MICAL2: variants seen among roughly 807,000 people sequenced by gnomAD.
The protein encoded by MICAL2 is [F-actin]-monooxygenase MICAL2.
A neutral mutation model predicts 127.3 loss-of-function variants in MICAL2; 77 were observed. The ratio of observed to expected loss-of-function variants is 0.60; its 90% CI spans 0.50 to 0.73. MICAL2 has a LOEUF of 0.73. Among genes scored for constraint, MICAL2 ranks in the 30% least tolerant of loss-of-function variants. The pLI is 0.00. For synonymous variants in MICAL2, 570 were observed against 551.1 expected, an observed-to-expected ratio of 1.03 and a Z score of -0.48; for missense variants, 1,351 against 1,434.4, an observed-to-expected ratio of 0.94 and a Z score of 0.94.
intron 2 of MICAL2, among the ~76,000 whole-genome samples, chr11:12,158,414 G>A (rs1269128298): frequency 6.6e-6 from 1 of 151,934 alleles, no homozygotes; most frequent in African/African-American, 2.4e-5. Flanking sequence ...ATTCCTTAGA[G>A]CCCCATGAAG....
intron 2 of MICAL2, among the ~76,000 whole-genome samples, chr11:12,140,180 G>A (rs1421343513): frequency 6.6e-6 from 1 of 152,236 alleles, no homozygotes; most frequent in Non-Finnish European, 1.5e-5. Flanking sequence ...CTCTAGGGCA[G>A]GGGAAGTGTA....
chr11:12,162,468 C>T, intron 3 of MICAL2, 49 bp downstream of exon 3: 1 of 1,599,906 alleles, frequency 6.3e-7, no homozygotes, highest in Non-Finnish European at 8.5e-7. Flanking sequence ...TGTGGGTTGA[C>T]ATTTGGGAGG....
Position 12,223,449 on chromosome 11 carries a change from C to T in MICAL2, c.1488C>T (p.Tyr496=), listed in dbSNP as rs1483403745. Residue 496 remains tyrosine, a synonymous_variant, in exon 12 of 28, where the codon TAC becomes TAT. Coordinates refer to ENST00000683283, the MANE Select transcript of MICAL2 (RefSeq NM_001282663.2). ...ATATCACTAAGGAGCTGGAGCACTA[C>T]CCTCTCGAGAGACTGGGCTCGGTGA... ...HLYITKELEH[Y]PLERLGSVRR... is the part of the protein sequence containing the mutation. 1.9e-6 allele frequency: 3 copies of T among 1,613,944 alleles called. No individual in the cohort carries two copies. The highest frequency in any genetic ancestry group is 2.5e-6 in the Non-Finnish European group (3 of 1,180,002).
At chr11:12,311,882 G>A (rs1424925596) in intron 29 of MICAL2, among the ~76,000 whole-genome samples, 1 of 152,026 alleles carries the variant, frequency 6.6e-6, no homozygotes, top group East Asian at 1.9e-4. Flanking sequence ...TGTTTTTGTG[G>A]AACGTTTTTT....
chr11:12,358,269 C>G (rs773263123), intron 34 of MICAL2: 93 of 1,609,228 alleles, frequency 5.8e-5, no homozygotes, highest in Admixed American at 1.0e-4. Context: ...TTCTCTGAGC[C>G]CAGTGGTTTT....
At chr11:12,224,220 C>T (rs1857145652) in intron 12 of MICAL2, among the ~76,000 whole-genome samples, 2 of 152,188 alleles carry the variant, frequency 1.3e-5, no homozygotes, top group African/African-American at 4.8e-5. Flanking sequence ...TGATAAGTTC[C>T]TAGATGCTCT....
chr11:12,231,050 G>C (rs961613854), intron 15 of MICAL2, among the ~76,000 whole-genome samples: 7 of 152,162 alleles, frequency 4.6e-5, no homozygotes, highest in Non-Finnish European at 8.8e-5. Context: ...ATGCATGTAG[G>C]TGACACCTGG....
intron 7 of MICAL2, among the ~76,000 whole-genome samples, chr11:12,215,669 C>G (rs912972247): frequency 2.0e-5 from 3 of 152,216 alleles, no homozygotes; most frequent in African/African-American, 7.2e-5. Context: ...TGTAAAATGT[C>G]TTGTGATTGG....
intron 18 of MICAL2, among the ~76,000 whole-genome samples, chr11:12,241,837 A>G (rs1013599003): frequency 6.6e-6 from 1 of 152,174 alleles, no homozygotes; most frequent in African/African-American, 2.4e-5. Flanking sequence ...TCACCTGGGG[A>G]ACTTTTAAAA....
At chr11:12,191,769 A>G (rs902003704) in intron 3 of MICAL2, among the ~76,000 whole-genome samples, 30 of 124,516 alleles carry the variant, frequency 2.4e-4, no homozygotes, top group Non-Finnish European at 4.5e-4. Context: ...CCTGTCTCCA[A>G]AAAGAAAAAG....
chr11:12,275,027 G>A (rs1863709786), upstream of MICAL2, among the ~76,000 whole-genome samples: 3 of 152,004 alleles, frequency 2.0e-5, no homozygotes, highest in South Asian at 6.2e-4. Flanking sequence ...CGGTGAGAGG[G>A]GTCTGGATTC....
intron 22 of MICAL2, chr11:12,250,276 A>G (rs1227984535): frequency 6.6e-6 from 1 of 152,226 alleles, no homozygotes; most frequent in East Asian, 1.9e-4. Flanking sequence ...TTTTGTGGGT[A>G]CGTAGTAGGT....
downstream of MICAL2, among the ~76,000 whole-genome samples, chr11:12,361,029 T>C (rs983278358): frequency 2.6e-5 from 4 of 152,144 alleles, no homozygotes; most frequent in African/African-American, 9.7e-5. Flanking sequence ...GTATGCAATA[T>C]GAGTAGGATT....
At chr11:12,237,034 G>A (rs1183064216) in intron 16 of MICAL2, among the ~76,000 whole-genome samples, 7 of 152,164 alleles carry the variant, frequency 4.6e-5, no homozygotes, top group South Asian at 2.1e-4. Context: ...GTTTATGGTC[G>A]AAGAGTTTTT....
At chr11:12,196,945 A>G (rs1860017211) in intron 3 of MICAL2, among the ~76,000 whole-genome samples, 1 of 152,136 alleles carries the variant, frequency 6.6e-6, no homozygotes, top group South Asian at 2.1e-4. Flanking sequence ...TTCAGCCTCA[A>G]TTCTCCATTC....
At chr11:12,340,589 C>T (rs1369932169) in intron 32 of MICAL2, among the ~76,000 whole-genome samples, 1 of 152,158 alleles carries the variant, frequency 6.6e-6, no homozygotes, top group Non-Finnish European at 1.5e-5. Flanking sequence ...TACAAGAATG[C>T]TCATAACAGC....
At chr11:12,320,795 G>T (rs1864285408) in intron 30 of MICAL2, among the ~76,000 whole-genome samples, 1 of 152,078 alleles carries the variant, frequency 6.6e-6, no homozygotes, top group Non-Finnish European at 1.5e-5. Flanking sequence ...TGGGAGGTGT[G>T]GTGTGGGGAG....
At chr11:12,220,634 A>T (rs1343025615) in intron 9 of MICAL2, among the ~76,000 whole-genome samples, 176 bp downstream of exon 9, 1 of 152,182 alleles carries the variant, frequency 6.6e-6, no homozygotes. Flanking sequence ...CACTCAGAGG[A>T]GCCTATTCTG....
intron 29 of MICAL2, among the ~76,000 whole-genome samples, chr11:12,315,941 C>T (rs1317396890): frequency 5.3e-5 from 8 of 151,992 alleles, no homozygotes; most frequent in Admixed American, 6.5e-5. Context: ...TAATCAAGCA[C>T]GTCTGTATTT....
Sources: gnomAD v4.1 joint callset for allele counts (sites outside exome capture counted in the v4.1 genomes callset) on GRCh38, gnomAD v4.1.1 for gene constraint, MANE v1.5 for transcripts, NCBI Gene and HGNC (gene_info 2026-07-23, HGNC 2026-07-21) for gene names.